DCDC1: variants seen among roughly 807,000 people sequenced by gnomAD.
The protein encoded by DCDC1 is doublecortin domain containing 1.
A neutral mutation model predicts 178.3 loss-of-function variants in DCDC1; 200 were observed. The observed-to-expected ratio is 1.12, with a 90% CI of 1.00 to 1.26. DCDC1 has a LOEUF of 1.26. Among genes scored for constraint, DCDC1 ranks in the 50% most tolerant of loss-of-function variants. The pLI is 0.00. For missense variants in DCDC1, 1,983 were observed against 1,749.2 expected, an observed-to-expected ratio of 1.13 and a Z score of -2.38; for synonymous variants, 690 against 604.8, an observed-to-expected ratio of 1.14 and a Z score of -2.07.
At chr11:31,147,619 C>T (rs1964585849) in intron 9 of DCDC1, among the ~76,000 whole-genome samples, 1 of 152,094 alleles carries the variant, frequency 6.6e-6, no homozygotes, top group South Asian at 2.1e-4. Flanking sequence ...GAGTTGGATA[C>T]CTTAGGTTCC....
intron 9 of DCDC1, among the ~76,000 whole-genome samples, chr11:31,238,001 C>G (rs1373042444): frequency 1.3e-5 from 2 of 151,658 alleles, no homozygotes; most frequent in East Asian, 3.9e-4. Flanking sequence ...TCAAAAATAA[C>G]TATGCAATCT....
Position 31,315,277 on chromosome 11 carries a change from T to C in DCDC1, c.165-7369A>G, listed in dbSNP as rs115289442. On this transcript the variant is annotated intron_variant, in intron 3 of 38. Transcript: ENST00000684477. ...ATCCCTCAGCTATAACTACACCACA[T>C]TGCCTTCCATAGTTCCTATTTGCAT... Among the ~76,000 whole-genome samples, 671 of 149,710 alleles carry C rather than the reference T, an allele frequency of 4.5e-3. 6 individuals are homozygous for C. Among genetic ancestry groups the C allele is most frequent in the African/African-American group, 0.016 (640 of 40,814 alleles).
At chr11:31,279,253 T>C (rs755717816) in intron 7 of DCDC1, among the ~76,000 whole-genome samples, 26 of 152,306 alleles carry the variant, frequency 1.7e-4, no homozygotes, top group African/African-American at 2.4e-4. Flanking sequence ...TTTTTGTGTG[T>C]GTGTGTGTGT....
At chr11:31,114,845 C>T (rs1259317283) in intron 11 of DCDC1, among the ~76,000 whole-genome samples, 3 of 152,110 alleles carry the variant, frequency 2.0e-5, no homozygotes, top group African/African-American at 7.2e-5. Flanking sequence ...TTGGAGTAGA[C>T]TGTAGGAGGC....
intron 12 of DCDC1, among the ~76,000 whole-genome samples, chr11:31,108,828 G>T (rs1187418475): frequency 1.3e-5 from 2 of 152,110 alleles, no homozygotes; most frequent in African/African-American, 4.8e-5. Flanking sequence ...CAAAAATTGT[G>T]ATAATCTTCA....
intron 21 of DCDC1, among the ~76,000 whole-genome samples, chr11:30,951,824 A>AG (rs1337401600): frequency 1.3e-5 from 2 of 152,120 alleles, no homozygotes; most frequent in African/African-American, 4.8e-5. Context: ...GAAAGGGGTG[A>AG]GGGGAGAAAA....
chr11:31,104,332 C>T (rs932835387), intron 13 of DCDC1, among the ~76,000 whole-genome samples: 5 of 152,032 alleles, frequency 3.3e-5, no homozygotes, highest in Admixed American at 6.5e-5. Context: ...GCTTAAGACT[C>T]GCTATTTATC....
intron 4 of DCDC1, 58 bp from the exon 5 acceptor site, chr11:31,306,446 T>C: frequency 6.7e-7 from 1 of 1,500,600 alleles, no homozygotes; most frequent in Non-Finnish European, 8.9e-7. Flanking sequence ...AGCTTTTAAA[T>C]AAATATTATC....
At chr11:31,142,291 G>C (rs1963913664) in intron 9 of DCDC1, among the ~76,000 whole-genome samples, 1 of 152,142 alleles carries the variant, frequency 6.6e-6, no homozygotes, top group African/African-American at 2.4e-5. Flanking sequence ...AATTGGATAG[G>C]ACTGATATTT....
chr11:31,270,314 C>A (rs897313821), intron 7 of DCDC1, among the ~76,000 whole-genome samples: 3 of 152,206 alleles, frequency 2.0e-5, no homozygotes, highest in African/African-American at 7.2e-5. Flanking sequence ...AAAACAGCCA[C>A]ATTTGATCAT....
chr11:30,924,582 T>C (rs958052851), intron 23 of DCDC1, among the ~76,000 whole-genome samples: 3 of 152,240 alleles, frequency 2.0e-5, no homozygotes, highest in Non-Finnish European at 2.9e-5. Flanking sequence ...ATGAAAAAAG[T>C]AGACATAATT....
intron 9 of DCDC1, among the ~76,000 whole-genome samples, chr11:31,149,746 G>A (rs984844589): frequency 3.3e-5 from 5 of 150,704 alleles, no homozygotes; most frequent in Non-Finnish European, 5.9e-5. Flanking sequence ...CACTCACTGC[G>A]AAGGTCTGTG....
At chr11:31,202,334 G>A (rs180725708) in intron 9 of DCDC1, among the ~76,000 whole-genome samples, 10 of 152,202 alleles carry the variant, frequency 6.6e-5, no homozygotes, top group East Asian at 1.9e-4. Flanking sequence ...ACGCCGAGGC[G>A]GGTGGATTGC....
In DCDC1 at chr11:30,971,490, C is replaced by T. The variant is rs137897127; in HGVS notation, c.2592-18922G>A. On this transcript the variant is annotated intron_variant, in intron 20 of 38. Coordinates refer to ENST00000684477, the MANE Select transcript of DCDC1 (RefSeq NM_001387274.1). Reference sequence around the variant, plus strand: ...TAGATATCATTACAAAAGAACCAAACAAATCCTAGGAATGAAATAATCCAT... The same window carrying T: ...TAGATATCATTACAAAAGAACCAAATAAATCCTAGGAATGAAATAATCCAT... 2.7e-5 allele frequency among the ~76,000 whole-genome samples: 4 copies of T among 150,578 alleles called. No homozygotes were observed. The South Asian group carries it at 8.4e-4, about 32-fold the overall frequency.
intron 7 of DCDC1, chr11:31,281,112 C>T: frequency 5.5e-6 from 2 of 366,100 alleles, no homozygotes; most frequent in South Asian, 5.8e-5. Context: ...ATCCTGCAAA[C>T]TTGCTGAATG....
intron 9 of DCDC1, among the ~76,000 whole-genome samples, chr11:31,167,314 C>T (rs1430355564): frequency 6.6e-6 from 1 of 152,162 alleles, no homozygotes; most frequent in Non-Finnish European, 1.5e-5. Context: ...TAAACACTAG[C>T]TGTTCAGTAA....
chr11:31,046,922 T>C (rs1159427360), intron 20 of DCDC1, among the ~76,000 whole-genome samples: 1 of 152,142 alleles, frequency 6.6e-6, no homozygotes, highest in Non-Finnish European at 1.5e-5. Context: ...AATCAGACTC[T>C]TTCACCTTCA....
At chr11:31,322,315 T>A (rs1224834910) in intron 3 of DCDC1, among the ~76,000 whole-genome samples, 2 of 151,774 alleles carry the variant, frequency 1.3e-5, no homozygotes, top group Non-Finnish European at 2.9e-5. Flanking sequence ...AAGCCAAGAG[T>A]TATGTCAGGT....
chr11:31,107,099 G>A, intron 12 of DCDC1, 139 bp from the exon 13 acceptor site: 1 of 597,162 alleles, frequency 1.7e-6, no homozygotes, highest in Non-Finnish European at 3.0e-6. Flanking sequence ...AATGTTAAAA[G>A]AAGTGTGAAA....
Sources: allele counts gnomAD v4.1 joint callset (sites outside exome capture counted in the v4.1 genomes callset), GRCh38; gene constraint gnomAD v4.1.1; transcripts MANE v1.5; gene names NCBI Gene and HGNC (gene_info 2026-07-23, HGNC 2026-07-21).